Variants in ACER3 observed in about 807,000 individuals in gnomAD.
The protein encoded by ACER3 is alkaline ceramidase 3.
A neutral mutation model predicts 48.9 loss-of-function variants in ACER3; 16 were observed. That is an observed-to-expected ratio of 0.33 (90% confidence interval 0.22 to 0.50). The LOEUF (loss-of-function observed/expected upper bound fraction) is 0.50. Among genes scored for constraint, ACER3 ranks in the 20% least tolerant of loss-of-function variants. ACER3 has a pLI of 0.98. For missense variants in ACER3, 227 were observed against 326.0 expected, an observed-to-expected ratio of 0.70 and a Z score of 2.34; for synonymous variants, 109 against 107.8, an observed-to-expected ratio of 1.01 and a Z score of -0.07.
At chr11:76,889,716 G>T (rs954811421) in intron 1 of ACER3, among the ~76,000 whole-genome samples, 1 of 152,028 alleles carries the variant, frequency 6.6e-6, no homozygotes, top group Non-Finnish European at 1.5e-5. Flanking sequence ...TATTGTCTTT[G>T]TCTGGAATGT....
At chr11:76,963,362 G>A (rs1215461515) in intron 3 of ACER3, among the ~76,000 whole-genome samples, 2 of 151,434 alleles carry the variant, frequency 1.3e-5, no homozygotes, top group East Asian at 3.8e-4. Flanking sequence ...AGTTTCTTGT[G>A]AAAGCTTTTC....
chr11:76,983,657 G>A (rs1036943604), intron 4 of ACER3, among the ~76,000 whole-genome samples: 3 of 152,014 alleles, frequency 2.0e-5, no homozygotes, highest in East Asian at 1.9e-4. Flanking sequence ...ATTGTTCATA[G>A]CCAGCATTTA....
At position 76,979,437 on chromosome 11, in the gene ACER3, T is replaced by C. The variant is rs1212276919; in HGVS notation, c.320+3096T>C. Among the ~76,000 whole-genome samples the C allele has an allele frequency of 2.0e-5, 3 of 152,006 alleles. No individual in the cohort carries two copies. In the East Asian group the frequency reaches 5.8e-4, roughly 29 times the overall value. ...TGTCAAGCCCTATTTCAAAGTTAGG[T>C]AAGAAGATATAGAACAGCAGCCTGG... is the stretch of plus-strand genomic sequence containing the variant. On this transcript the variant is annotated intron_variant, in intron 4 of 10. Transcript: ENST00000532485.
intron 6 of ACER3, among the ~76,000 whole-genome samples, chr11:76,990,941 T>C (rs945091223): frequency 6.6e-6 from 1 of 152,238 alleles, no homozygotes; most frequent in Non-Finnish European, 1.5e-5. Context: ...TTCCCTCTAA[T>C]ATATTTTAAC....
intron 3 of ACER3, among the ~76,000 whole-genome samples, chr11:76,974,248 G>T (rs181232576): frequency 1.8e-3 from 279 of 152,230 alleles, no homozygotes; most frequent in African/African-American, 6.4e-3. Flanking sequence ...CTGCAAAAAG[G>T]TAGATGGAAC....
intron 7 of ACER3, among the ~76,000 whole-genome samples, chr11:77,000,766 T>C (rs1026268272): frequency 5.3e-5 from 8 of 152,246 alleles, no homozygotes; most frequent in Admixed American, 3.9e-4. Context: ...GTTCCATTGA[T>C]TGATGTGTCT....
intron 3 of ACER3, among the ~76,000 whole-genome samples, chr11:76,962,366 C>T (rs1407991782): frequency 1.3e-5 from 2 of 150,674 alleles, no homozygotes; most frequent in Non-Finnish European, 2.9e-5. Flanking sequence ...GTTATAAGCA[C>T]CCGCCACCAT....
intron 3 of ACER3, among the ~76,000 whole-genome samples, chr11:76,967,486 C>A (rs1270526086): frequency 6.6e-6 from 1 of 151,598 alleles, no homozygotes; most frequent in Non-Finnish European, 1.5e-5. Flanking sequence ...GTTACCAAAG[C>A]CTGGCAGAGA....
intron 7 of ACER3, among the ~76,000 whole-genome samples, chr11:77,004,660 A>C (rs1452004614): frequency 6.6e-6 from 1 of 152,304 alleles, no homozygotes; most frequent in East Asian, 1.9e-4. Flanking sequence ...GTCATTATGT[A>C]ATGTTCCTCT....
At chr11:76,994,233 T>A (rs1299613120) in intron 6 of ACER3, 1 of 453,296 alleles carries the variant, frequency 2.2e-6, no homozygotes, top group African/African-American at 2.0e-5. Context: ...CCAGGTTCGT[T>A]ATTCTTATGC....
chr11:77,013,842 C>G (rs1473147392), intron 7 of ACER3, among the ~76,000 whole-genome samples: 1 of 152,072 alleles, frequency 6.6e-6, no homozygotes, highest in Non-Finnish European at 1.5e-5. Flanking sequence ...GACAGAGAAA[C>G]AAATTGTGCT....
intron 6 of ACER3, among the ~76,000 whole-genome samples, chr11:76,997,804 C>T (rs1948946815): frequency 6.6e-6 from 1 of 152,162 alleles, no homozygotes; most frequent in African/African-American, 2.4e-5. Context: ...TGCCACTGCA[C>T]TCCAGCCTAG....
Position 76,926,557 on chromosome 11 carries a change from G to A in ACER3, c.104G>A (p.Trp35Ter). The A allele has an allele frequency of 6.3e-7, 1 of 1,578,884 alleles. No homozygotes were observed. Reference protein sequence around the residue: ...YSVTWYIAEFWNTVSNLIMII... With the variant: ...YSVTWYIAEF ...GTCTTCTTATATTTTTCTCTTAAAG[G>A]GAATACAGTGAGTAACCTGATCATG... The change falls in exon 2 of 11, where the codon TGG becomes TAG. Residue 35 changes from tryptophan to a stop codon, truncating the protein, a stop_gained and splice_region_variant. Coordinates refer to ENST00000532485, the MANE Select transcript of ACER3 (RefSeq NM_018367.7). LOFTEE classifies it high-confidence loss of function.
At chr11:76,933,370 G>A (rs1947071716) in intron 2 of ACER3, among the ~76,000 whole-genome samples, 1 of 145,872 alleles carries the variant, frequency 6.9e-6, no homozygotes, top group South Asian at 2.3e-4. Context: ...GTGGAGGGAA[G>A]GTCAGCAGAT....
At chr11:77,019,511 C>T (rs1393316641) in intron 9 of ACER3, 1 of 551,204 alleles carries the variant, frequency 1.8e-6, no homozygotes, top group Non-Finnish European at 3.2e-6. Context: ...TAAAATGGAA[C>T]AACAAAGCCT....
intron 4 of ACER3, among the ~76,000 whole-genome samples, chr11:76,981,405 C>T (rs1342858932): frequency 6.6e-6 from 1 of 152,192 alleles, no homozygotes; most frequent in Non-Finnish European, 1.5e-5. Flanking sequence ...GAATAAAATG[C>T]ACCCAGTTTA....
intron 2 of ACER3, among the ~76,000 whole-genome samples, chr11:76,947,543 G>A (rs1385911705): frequency 6.6e-6 from 1 of 152,152 alleles, no homozygotes. Context: ...CTTTTAAATT[G>A]TAGCAATTAC....
chr11:76,974,118 T>C (rs1317852482), intron 3 of ACER3, among the ~76,000 whole-genome samples: 1 of 152,262 alleles, frequency 6.6e-6, no homozygotes, highest in Non-Finnish European at 1.5e-5. Flanking sequence ...CCTTAATTAC[T>C]GTACATTTGT....
rs11236982 is a variant in ACER3 at position 76,863,991 on chromosome 11, A to G, written c.103+2912A>G. The stretch of plus-strand genomic sequence containing the variant: ...GAAGACAGATATGAAATACTATGCT[A>G]TCACACAGGACAAATTGAACAACTA... On this transcript the variant is annotated intron_variant, in intron 1 of 10. Transcript: ENST00000532485. 1.4e-3 allele frequency among the ~76,000 whole-genome samples: 218 copies of G among 152,368 alleles called. 2 individuals are homozygous for G. Among genetic ancestry groups the G allele is most frequent in the African/African-American group, 5.0e-3 (207 of 41,584 alleles).
Sources: gnomAD v4.1 joint callset for allele counts (sites outside exome capture counted in the v4.1 genomes callset) on GRCh38, gnomAD v4.1.1 for gene constraint, MANE v1.5 for transcripts, NCBI Gene and HGNC (gene_info 2026-07-23, HGNC 2026-07-21) for gene names.